The following PKD1 variants were observed in gnomAD, a reference collection of about 807,000 sequenced individuals.
PKD1 encodes polycystin 1, transient receptor potential channel interacting.
PKD1 carries 81 observed loss-of-function variants against 361.7 expected under a neutral mutation model. The observed-to-expected ratio is 0.22, with a 90% CI of 0.19 to 0.27. PKD1 has a LOEUF of 0.27. Ranked by LOEUF, PKD1 falls within the 10% of genes least tolerant of loss-of-function variation. PKD1 has a pLI of 1.00. For missense variants in PKD1, 6,399 were observed against 6,118.3 expected (o/e 1.05, Z -1.53); for synonymous variants, 3,615 against 2,818.3 (o/e 1.28, Z -8.95).
chr16:2,115,651 C>G (rs1455002410), intron 9 of PKD1, 26 bp from the exon 10 acceptor site: 61 of 1,592,302 alleles, frequency 3.8e-5, no homozygotes, highest in African/African-American at 5.4e-5. Flanking sequence ...GGTGTTGGGG[C>G]CCTGATTTGC....
intron 34 of PKD1, chr16:2,094,573 A>G (rs77565499): frequency 0.02 from 7,261 of 369,468 alleles, 506 homozygotes; most frequent in African/African-American, 0.14. Flanking sequence ...TCCAACAAGC[A>G]TCTCTACAAT....
Position 2,135,844 on chromosome 16 carries a change from G to C in PKD1, c.-155C>G, listed in dbSNP as rs915083473. 9 of 267,078 alleles carry C rather than the reference G, an allele frequency of 3.4e-5. No individual in the cohort carries two copies. The highest frequency in any genetic ancestry group is 1.8e-4 in the African/African-American group (8 of 43,504). 16.5% of individuals were successfully genotyped at this position (267,078 alleles called of 1,614,324 possible). A position where few individuals can be genotyped will look rare whatever the true frequency, so the allele number is the denominator to read the frequency against. The stretch of plus-strand genomic sequence containing the variant: ...CTGAGCGACGCCCGCTCGGGGCTCG[G>C]GGCCAGGCCGCTCCGGGAGCTCGGC... On this transcript the variant is annotated 5_prime_UTR_variant, in exon 1 of 46. Coordinates refer to ENST00000262304, the MANE Select transcript of PKD1 (RefSeq NM_001009944.3).
chr16:2,131,498 A>G (rs2151850858), intron 1 of PKD1, among the ~76,000 whole-genome samples: 1 of 151,176 alleles, frequency 6.6e-6, no homozygotes, highest in Admixed American at 6.6e-5. Context: ...ACAGAGTGAG[A>G]CTCCATCTCA....
In PKD1 at chr16:2,099,875, G is replaced by A. The variant is rs2855354; in HGVS notation, c.9909C>T (p.Gly3303=). 4.9e-5 allele frequency: 77 copies of A among 1,566,984 alleles called. 2 individuals carry two copies. The South Asian group carries it at 6.8e-4, about 14-fold the overall frequency. Residue 3303 remains glycine, a synonymous_variant, in exon 29 of 46, where the codon GGC becomes GGT. Transcript: ENST00000262304. The stretch of plus-strand genomic sequence containing the variant: ...ACGGCACCCACCTGTAGGCAGAGTC[G>A]CCAACAGCCCCGTACCACACGGCGT... ...GANAVWYGAV[G]DSAYSTGHVS...
rs746577400 is a variant in PKD1, at chr16:2,097,098, C to T, written c.10499+50G>A. 3.2e-6 allele frequency: 3 copies of T among 927,584 alleles called. 1 individual carries two copies. The highest frequency in any genetic ancestry group is 2.7e-5 in the South Asian group (2 of 73,490). The allele number at this position is 927,584 out of a possible 1,614,324, so 57.5% of individuals were successfully genotyped here. On this transcript the variant is annotated intron_variant, in intron 34 of 45. Transcript: ENST00000262304. ...GGAACCACGGCTGCCTGGCCTGAGT[C>T]CCGGCCCCTCCTCTGGCAATCCCCC...
At position 2,091,828 on chromosome 16, in the gene PKD1, G is replaced by A. The variant is rs776813165; in HGVS notation, c.11490C>T (p.Ser3830=). The change falls in exon 41 of 46, where the codon AGC becomes AGT. Residue 3830 remains serine, a synonymous_variant. Transcript: ENST00000262304. Reference sequence around the variant, plus strand: ...GCTGCAGGAAGCGCAGCCGGTCGCGGCTCTCCTCCAGGCTCAGGCCCAGCT... The same window carrying A: ...GCTGCAGGAAGCGCAGCCGGTCGCGACTCTCCTCCAGGCTCAGGCCCAGCT... ...VQELGLSLEE[S]RDRLRFLQLH... is the part of the protein sequence containing the mutation. 1.9e-6 allele frequency: 3 copies of A among 1,609,958 alleles called. No individual in the cohort carries two copies. The highest frequency in any genetic ancestry group is 2.2e-5 in the East Asian group (1 of 44,784).
rs917681089 is a variant in PKD1, at chr16:2,089,561, G to A, written c.*166C>T. 5.4e-5 allele frequency: 46 copies of A among 844,972 alleles called. No individual in the cohort carries two copies. The highest frequency in any genetic ancestry group is 8.3e-5 in the Non-Finnish European group (45 of 544,262). The allele number at this position is 844,972 out of a possible 1,614,324, so 52.3% of individuals were successfully genotyped here. A position where few individuals can be genotyped will look rare whatever the true frequency, so the allele number is the denominator to read the frequency against. ...ACCCTGGGTCCTGGTTGGCCACACA[G>A]CCTCTTTAAAGTGCTGAAGCCCACA... On this transcript the variant is annotated 3_prime_UTR_variant, in exon 46 of 46. Coordinates refer to ENST00000262304, the MANE Select transcript of PKD1 (RefSeq NM_001009944.3).
intron 14 of PKD1, 40 bp from the exon 15 acceptor site, chr16:2,111,911 C>A (rs766746290): frequency 1.9e-5 from 30 of 1,605,636 alleles, no homozygotes; most frequent in Non-Finnish European, 2.3e-5. Context: ...GCGGCACCCC[C>A]ACCTGCTCCC....
At chr16:2,123,193 CCTT>C (rs1002233095) in intron 1 of PKD1, among the ~76,000 whole-genome samples, 2 of 152,180 alleles carry the variant, frequency 1.3e-5, no homozygotes, top group African/African-American at 4.8e-5. Flanking sequence ...CAGGCTGGCT[CCTT>C]CTCCCGGCCC....
intron 15 of PKD1, 37 bp downstream of exon 15, chr16:2,108,215 G>C (rs1468363826): frequency 1.9e-6 from 3 of 1,571,044 alleles, no homozygotes; most frequent in Admixed American, 1.7e-5. Flanking sequence ...GTGTGGACGG[G>C]TGAGGGGCAT....
In PKD1 at chr16:2,090,596, G is replaced by C. The variant is rs1223004713; in HGVS notation, c.12139-6C>G. On this transcript the variant is annotated splice_region_variant and splice_polypyrimidine_tract_variant and intron_variant, in intron 44 of 45. Transcript: ENST00000262304. ...TCCACACAGGAAGACACGAGCTGCG[G>C]GGAAGGCGACACCAGTGAGGGCGTA... The C allele has an allele frequency of 1.2e-6, 2 of 1,608,470 alleles. No individual in the cohort carries two copies. The highest frequency in any genetic ancestry group is 1.7e-6 in the Non-Finnish European group (2 of 1,179,742).
intron 10 of PKD1, 149 bp from the exon 11 acceptor site, chr16:2,115,074 C>A (rs2092607680): frequency 3.4e-6 from 5 of 1,490,388 alleles, no homozygotes; most frequent in African/African-American, 1.4e-5. Flanking sequence ...CAAGGACAGG[C>A]AGGACAGTTG....
rs1284559482 is a variant in PKD1 at position 2,109,153 on chromosome 16, G to C, written c.6014C>G (p.Ala2005Gly). ...GACCTTCTGCAGCGAGAAGTACCAG[G>C]CGTAGGCGACCCGAGAGCCGCGCTG... ...RVQRGSRVAY[A>G]WYFSLQKVQG... is the part of the protein sequence containing the mutation. Residue 2005 changes from alanine to glycine, a missense_variant, in exon 15 of 46, where the codon GCC becomes GGC. Coordinates refer to ENST00000262304, the MANE Select transcript of PKD1 (RefSeq NM_001009944.3). 6.2e-7 allele frequency: 1 copy of C among 1,601,752 alleles called. No individual in the cohort carries two copies. The highest frequency in any genetic ancestry group is 1.3e-5 in the African/African-American group (1 of 74,762).
chr16:2,113,189 T>A lies in PKD1; in HGVS notation c.2957A>T (p.Tyr986Phe), dbSNP rs1479325230. Residue 986 changes from tyrosine to phenylalanine, a missense_variant, in exon 12 of 46, where the codon TAT becomes TTT. Coordinates refer to ENST00000262304, the MANE Select transcript of PKD1 (RefSeq NM_001009944.3). ...GAGCTTGAAGACCGCCGCGCTCTGA[T>A]AAATGACATTGAAGACCACGTTCTG... is the stretch of plus-strand genomic sequence containing the variant. ...TFQNVVFNVI[Y>F]QSAAVFKLSL... is the part of the protein sequence containing the mutation. 2.8e-5 allele frequency: 34 copies of A among 1,208,184 alleles called. No homozygotes were observed. The highest frequency in any genetic ancestry group is 7.2e-5 in the South Asian group (6 of 83,368). 74.8% of individuals were successfully genotyped at this position (1,208,184 alleles called of 1,614,324 possible).
In PKD1 at chr16:2,090,598, G is replaced by T. The variant is rs774226144; in HGVS notation, c.12139-8C>A. 1.9e-6 allele frequency: 3 copies of T among 1,608,532 alleles called. No individual in the cohort carries two copies. The highest frequency in any genetic ancestry group is 1.3e-5 in the African/African-American group (1 of 75,034). ...CACACAGGAAGACACGAGCTGCGGG[G>T]AAGGCGACACCAGTGAGGGCGTACA... On this transcript the variant is annotated splice_region_variant and splice_polypyrimidine_tract_variant and intron_variant, in intron 44 of 45. Coordinates refer to ENST00000262304, the MANE Select transcript of PKD1 (RefSeq NM_001009944.3).
rs1319800825 is a variant in PKD1 at position 2,110,425 on chromosome 16, G to A, written c.4742C>T (p.Ser1581Phe). 4 of 1,612,606 alleles carry A rather than the reference G, an allele frequency of 2.5e-6. No individual in the cohort carries two copies. Among genetic ancestry groups the A allele is most frequent in the African/African-American group, 1.3e-5 (1 of 75,040 alleles). Residue 1581 changes from serine to phenylalanine, a missense_variant, in exon 15 of 46, where the codon TCC (serine) becomes TTC (phenylalanine). By Grantham distance (155) the Ser-to-Phe change is radical. Coordinates refer to ENST00000262304, the MANE Select transcript of PKD1 (RefSeq NM_001009944.3). Reference protein sequence around the residue: ...SLEAGSDVRYSWVLCDRCTPI... With the variant: ...SLEAGSDVRYFWVLCDRCTPI... ...CGTGCAGCGGTCACAGAGCACCCAG[G>A]AATAGCGCACATCACTGCCGGCCTC...
At chr16:2,091,247 C>CGA (rs1169970577) in intron 42 of PKD1, 73 bp from the exon 43 acceptor site, 22 of 607,880 alleles carry the variant, frequency 3.6e-5, no homozygotes, top group South Asian at 2.3e-4. Context: ...CGGGACGCTG[C>CGA]CGGGGCGGGG....
At chr16:2,116,163 C>T in intron 8 of PKD1, 45 bp from the exon 9 acceptor site, 2 of 1,550,426 alleles carry the variant, frequency 1.3e-6, no homozygotes, top group South Asian at 1.2e-5. Flanking sequence ...CCCATCCCAG[C>T]CTGAAGCCCA....
intron 1 of PKD1, among the ~76,000 whole-genome samples, chr16:2,123,811 G>T (rs1201978746): frequency 6.6e-6 from 1 of 152,218 alleles, no homozygotes; most frequent in African/African-American, 2.4e-5. Flanking sequence ...TGAGCTGGAA[G>T]GGTGGGAGCC....
Sources: gnomAD v4.1 joint callset for allele counts (sites outside exome capture counted in the v4.1 genomes callset) on GRCh38, gnomAD v4.1.1 for gene constraint, MANE v1.5 for transcripts, NCBI Gene and HGNC (gene_info 2026-07-23, HGNC 2026-07-21) for gene names.